Variants in AKAP13 observed in about 807,000 individuals in gnomAD.
The protein encoded by AKAP13 is A-kinase anchor protein 13.
A neutral mutation model predicts 264.5 loss-of-function variants in AKAP13; 80 were observed. The observed-to-expected ratio is 0.30, with a 90% confidence interval of 0.25 to 0.36. AKAP13 has a LOEUF of 0.36. Among genes scored for constraint, AKAP13 ranks in the 10% least tolerant of loss-of-function variants. The pLI, the probability that AKAP13 is intolerant of heterozygous loss-of-function variation, is 1.00. For synonymous variants in AKAP13, 1,380 were observed against 1,250.2 expected (o/e 1.10, Z -2.19); for missense variants, 3,712 against 3,435.2 (o/e 1.08, Z -2.01).
At chr15:85,401,374 G>A (rs2071413981) in intron 1 of AKAP13, among the ~76,000 whole-genome samples, 1 of 152,126 alleles carries the variant, frequency 6.6e-6, no homozygotes, top group Admixed American at 6.5e-5. Flanking sequence ...GAATTTTGAG[G>A]ACGTCTCCTC....
intron 19 of AKAP13, among the ~76,000 whole-genome samples, chr15:85,714,769 C>G (rs1273088905): frequency 6.6e-6 from 1 of 152,128 alleles, no homozygotes; most frequent in Non-Finnish European, 1.5e-5. Context: ...GAGTTTGAGA[C>G]CAGTCTGGCC....
chr15:85,620,075 T>G (rs1333610424), intron 8 of AKAP13: 6 of 1,535,968 alleles, frequency 3.9e-6, no homozygotes, highest in Non-Finnish European at 5.2e-6. Flanking sequence ...CTCTGTTCTT[T>G]CTTGCATTTG....
chr15:85,721,999 T>C lies in AKAP13; in HGVS notation c.6261T>C (p.Gly2087=). Reference sequence around the variant, plus strand: ...TTCTCTTTTCTCTGCAGTTTTCAGGTGAGAATGCAGAACGTTTAAAGAAGA... The same window carrying C: ...TTCTCTTTTCTCTGCAGTTTTCAGGCGAGAATGCAGAACGTTTAAAGAAGA... ...IGDVLVNQFS[G]ENAERLKKTY... The change falls in exon 24 of 37, where the codon GGT becomes GGC. Residue 2087 remains glycine, a synonymous_variant. Transcript: ENST00000394518. 1 of 1,614,080 alleles carries C rather than the reference T, an allele frequency of 6.2e-7. No homozygotes were observed. Among genetic ancestry groups the C allele is most frequent in the Non-Finnish European group, 8.5e-7 (1 of 1,179,934 alleles).
intron 8 of AKAP13, among the ~76,000 whole-genome samples, chr15:85,590,213 G>A (rs752752514): frequency 3.3e-5 from 5 of 152,058 alleles, no homozygotes; most frequent in Non-Finnish European, 5.9e-5. Flanking sequence ...CTTTGCTACC[G>A]GCTTCAAAAC....
At chr15:85,403,870 A>T (rs1327380766) in intron 1 of AKAP13, among the ~76,000 whole-genome samples, 4 of 149,714 alleles carry the variant, frequency 2.7e-5, no homozygotes, top group Admixed American at 2.7e-4. Context: ...AAAAAATCTG[A>T]CGTGAAATGC....
rs541657424 is a variant in AKAP13, at chr15:85,486,484, C to T, written c.33+731C>T. Among the ~76,000 whole-genome samples the T allele has an allele frequency of 2.1e-3, 325 of 152,122 alleles. 3 individuals carry two copies. Among genetic ancestry groups the T allele is most frequent in the African/African-American group, 7.5e-3 (313 of 41,518 alleles). On this transcript the variant is annotated intron_variant, in intron 2 of 36. Coordinates refer to ENST00000394518, the MANE Select transcript of AKAP13 (RefSeq NM_007200.5). Reference sequence around the variant, plus strand: ...TTTTGCATGTGGATCTCCAGTTGTTCCAGCACCATTTGTTGAAAAGACTGT... The same window carrying T: ...TTTTGCATGTGGATCTCCAGTTGTTTCAGCACCATTTGTTGAAAAGACTGT...
At chr15:85,649,364 C>T (rs990856263) in intron 10 of AKAP13, among the ~76,000 whole-genome samples, 5 of 152,184 alleles carry the variant, frequency 3.3e-5, no homozygotes, top group Non-Finnish European at 5.9e-5. Flanking sequence ...TAAATAAAAG[C>T]GTGGCACTGG....
chr15:85,651,510 C>T (rs2082846187), intron 10 of AKAP13: 1 of 152,056 alleles, frequency 6.6e-6, no homozygotes, highest in Non-Finnish European at 1.5e-5. Context: ...CAGTCAGTGA[C>T]TTTTTAAAAA....
intron 17 of AKAP13, among the ~76,000 whole-genome samples, chr15:85,704,989 G>C (rs2086149601): frequency 6.6e-6 from 1 of 152,176 alleles, no homozygotes; most frequent in South Asian, 2.1e-4. Flanking sequence ...ACTTCAGCAT[G>C]TTAAGGAGAT....
At position 85,746,765 on chromosome 15, in the gene AKAP13, A is replaced by C. The variant is rs1420342456; in HGVS notation, c.*2088A>C. On this transcript the variant is annotated 3_prime_UTR_variant, in exon 37 of 37. Coordinates refer to ENST00000394518, the MANE Select transcript of AKAP13 (RefSeq NM_007200.5). ...CGGGGCTTGGCTGTCTGTTCTGGGCACTGGCTCCGAGTTCCCCTCCTGGGA... is the reference window on the plus strand; with the variant it reads ...CGGGGCTTGGCTGTCTGTTCTGGGCCCTGGCTCCGAGTTCCCCTCCTGGGA... The C allele has an allele frequency of 1.3e-5, 2 of 152,190 alleles. No individual in the cohort carries two copies. The highest frequency in any genetic ancestry group is 4.8e-5 in the African/African-American group (2 of 41,428). 9.4% of individuals were successfully genotyped at this position (152,190 alleles called of 1,614,324 possible).
At chr15:85,490,830 A>G (rs1440239872) in intron 2 of AKAP13, among the ~76,000 whole-genome samples, 1 of 152,178 alleles carries the variant, frequency 6.6e-6, no homozygotes, top group Non-Finnish European at 1.5e-5. Flanking sequence ...GAAGACAGCA[A>G]GATAACATAT....
intron 35 of AKAP13, among the ~76,000 whole-genome samples, chr15:85,742,241 C>T (rs2089071074): frequency 6.6e-6 from 1 of 152,182 alleles, no homozygotes; most frequent in Non-Finnish European, 1.5e-5. Flanking sequence ...GAGAAAATGG[C>T]AGTCAGCCAT....
chr15:85,688,793 A>C (rs2085090040), intron 16 of AKAP13, among the ~76,000 whole-genome samples: 1 of 152,234 alleles, frequency 6.6e-6, no homozygotes, highest in Admixed American at 6.5e-5. Flanking sequence ...TGATTAGATT[A>C]GATAAATATA....
chr15:85,669,775 C>A lies in AKAP13; in HGVS notation c.5046C>A (p.Ser1682=). ...TTAATTACTGTACATCAGCCATTTCCTCTCCATTGACAAAATCCATCTCAT... is the reference window on the plus strand; with the variant it reads ...TTAATTACTGTACATCAGCCATTTCATCTCCATTGACAAAATCCATCTCAT... The part of the protein sequence containing the change: ...QGFNYCTSAI[S]SPLTKSISLM... The change falls in exon 14 of 37, where the codon TCC becomes TCA. Residue 1682 remains serine (S), a synonymous_variant. Coordinates refer to ENST00000394518, the MANE Select transcript of AKAP13 (RefSeq NM_007200.5). 1.9e-6 allele frequency: 3 copies of A among 1,613,716 alleles called. No individual in the cohort carries two copies. The highest frequency in any genetic ancestry group is 2.5e-6 in the Non-Finnish European group (3 of 1,179,736).
chr15:85,448,347 G>A (rs2073969042), intron 1 of AKAP13, among the ~76,000 whole-genome samples: 1 of 152,072 alleles, frequency 6.6e-6, no homozygotes, highest in African/African-American at 2.4e-5. Flanking sequence ...TTGTTTTGCT[G>A]TGCAGAAGTT....
At chr15:85,447,006 C>T (rs1038783909) in intron 1 of AKAP13, among the ~76,000 whole-genome samples, 3 of 152,314 alleles carry the variant, frequency 2.0e-5, no homozygotes, top group East Asian at 1.9e-4. Flanking sequence ...TGGCGGCTCA[C>T]ACCTGTAATC....
At position 85,590,312 on chromosome 15, in the gene AKAP13, G is replaced by A. The variant is rs539285040; in HGVS notation, c.4161+4489G>A. Among the ~76,000 whole-genome samples, 14 of 152,230 alleles carry A rather than the reference G, an allele frequency of 9.2e-5. No individual in the cohort carries two copies. In the South Asian group the frequency reaches 2.3e-3, roughly 25 times the overall value. On this transcript the variant is annotated intron_variant, in intron 8 of 36. Transcript: ENST00000394518. ...GGAAGTTTTGTAACATTCTCTAAAC[G>A]TGTAATGGTCAGAGCATAAGAACCT...
chr15:85,503,413 T>C (rs1486486876), intron 2 of AKAP13, among the ~76,000 whole-genome samples: 1 of 152,210 alleles, frequency 6.6e-6, no homozygotes, highest in Non-Finnish European at 1.5e-5. Flanking sequence ...AAAGCAATGC[T>C]GTCCATTCTG....
rs1018900965 is a variant in AKAP13 at position 85,606,742 on chromosome 15, G to A, written c.4161+20919G>A. 2.0e-5 allele frequency among the ~76,000 whole-genome samples: 3 copies of A among 152,326 alleles called. No individual in the cohort carries two copies. In the Middle Eastern group the frequency reaches 0.01, roughly 518 times the overall value. ...AACATCATGGCAGGGTCAAGGACAT[G>A]GAGGCAGCCAGGTGTAAAATAATCT... On this transcript the variant is annotated intron_variant, in intron 8 of 36. Coordinates refer to ENST00000394518, the MANE Select transcript of AKAP13 (RefSeq NM_007200.5).
Sources: gnomAD v4.1 joint callset for allele counts (sites outside exome capture counted in the v4.1 genomes callset) on GRCh38, gnomAD v4.1.1 for gene constraint, MANE v1.5 for transcripts, NCBI Gene and HGNC (gene_info 2026-07-23, HGNC 2026-07-21) for gene names.